GCLC: variants seen among roughly 807,000 people sequenced by gnomAD.
GCLC encodes glutamate--cysteine ligase catalytic subunit.
Under a neutral mutation model 81.5 loss-of-function variants are expected in GCLC, and 30 were observed. The ratio of observed to expected loss-of-function variants is 0.37; its 90% CI spans 0.28 to 0.50. The LOEUF (loss-of-function observed/expected upper bound fraction) is 0.50, where lower values mean the gene tolerates loss of function less well. Ranked by LOEUF, GCLC falls within the 20% of genes least tolerant of loss-of-function variation. The pLI is 0.96. For synonymous variants in GCLC, 262 were observed against 273.3 expected (o/e 0.96, Z 0.41); for missense variants, 556 against 777.4 (o/e 0.72, Z 3.39).
chr6:53,506,237 A>C lies in GCLC; in HGVS notation c.1198-342T>G. 1 of 345,762 alleles carries C rather than the reference A, an allele frequency of 2.9e-6. No homozygotes were observed. Among genetic ancestry groups the C allele is most frequent in the Non-Finnish European group, 5.6e-6 (1 of 179,826 alleles). 21.4% of individuals were successfully genotyped at this position (345,762 alleles called of 1,614,324 possible). On this transcript the variant is annotated intron_variant, in intron 10 of 15. Coordinates refer to ENST00000650454, the MANE Select transcript of GCLC (RefSeq NM_001498.4). The surrounding 1 kb of genome is among the most constrained non-coding windows in gnomAD (Gnocchi z 4.0). ...GAGCCAGCCTGCCTTTCCAGGTGAC[A>C]CTGGACACTTTCATCTGAGAACCCT...
At chr6:53,515,005 A>G (rs1374652380) in intron 4 of GCLC, among the ~76,000 whole-genome samples, 1 of 152,208 alleles carries the variant, frequency 6.6e-6, no homozygotes, top group Non-Finnish European at 1.5e-5. Context: ...AGTACTTGAA[A>G]TATGGCTTGT....
At chr6:53,514,592 T>C in intron 4 of GCLC, 95 bp from the exon 5 acceptor site, 1 of 882,494 alleles carries the variant, frequency 1.1e-6, no homozygotes, top group Non-Finnish European at 1.9e-6. Context: ...AATGAAATCA[T>C]ACCTCAAATT....
intron 12 of GCLC, among the ~76,000 whole-genome samples, chr6:53,504,053 G>C (rs1764564776): frequency 6.6e-6 from 1 of 152,200 alleles, no homozygotes; most frequent in Non-Finnish European, 1.5e-5. Context: ...TTCCAAAGCT[G>C]AGCATGGTGG....
chr6:53,529,924 G>A (rs912210967), intron 1 of GCLC, among the ~76,000 whole-genome samples: 4 of 152,232 alleles, frequency 2.6e-5, no homozygotes, highest in South Asian at 2.1e-4. Context: ...GCGGTGCCCC[G>A]CTCAGGGCCT....
chr6:53,500,266 T>C lies in GCLC; in HGVS notation c.1562A>G (p.Asp521Gly). ...AAEEYTLMSI[D>G]TIINGKEGVF... ...TCCTACCTTCCCATTGATGATGGTG[T>C]CTATGCTCATGAGGGTGTACTCCTC... is the stretch of plus-strand genomic sequence containing the variant. The change falls in exon 14 of 16, where the codon GAC becomes GGC. Residue 521 changes from aspartate to glycine, a missense_variant. This residue lies in a region of GCLC where 313 missense variants were observed against 437.3 expected (regional missense o/e 0.72). Coordinates refer to ENST00000650454, the MANE Select transcript of GCLC (RefSeq NM_001498.4). 1 of 1,614,038 alleles carries C rather than the reference T, an allele frequency of 6.2e-7. No homozygotes were observed. Among genetic ancestry groups the C allele is most frequent in the Non-Finnish European group, 8.5e-7 (1 of 1,179,914 alleles).
rs1239866561 is a variant in GCLC at position 53,540,828 on chromosome 6, TG to T, written c.150+3667del. On this transcript the variant is annotated intron_variant, in intron 1 of 15. Transcript: ENST00000650454. ...TCACATGATGATGCCGCTAGAGGAA[TG>T]GTTACAGGCATCAGCAAATACTTAG... Among the ~76,000 whole-genome samples, 13 of 152,222 alleles carry T rather than the reference TG, an allele frequency of 8.5e-5. No homozygotes were observed. The East Asian group carries it at 2.5e-3, about 29-fold the overall frequency.
intron 12 of GCLC, chr6:53,501,009 G>T: frequency 5.0e-6 from 1 of 202,002 alleles, no homozygotes; most frequent in East Asian, 1.3e-4. Context: ...TCTGTCTCCT[G>T]GGTTCAAGCA....
chr6:53,508,489 T>C lies in GCLC; in HGVS notation c.945+106A>G, dbSNP rs1581731578. The C allele has an allele frequency of 3.8e-6, 3 of 789,498 alleles. 1 individual carries two copies. The Admixed American group carries it at 5.1e-5, about 13-fold the overall frequency. The allele number at this position is 789,498 out of a possible 1,614,324, so 48.9% of individuals were successfully genotyped here. ...CACCTAGACCAAATCTTTTTCCCCA[T>C]TTCAGATAAAAATTGCAGGGAGACA... On this transcript the variant is annotated intron_variant, in intron 8 of 15. Transcript: ENST00000650454.
At chr6:53,503,780 T>C (rs1435989377) in intron 12 of GCLC, among the ~76,000 whole-genome samples, 2 of 152,256 alleles carry the variant, frequency 1.3e-5, no homozygotes, top group Non-Finnish European at 2.9e-5. Context: ...ACTATTCTCC[T>C]CTTCTAAATT....
At chr6:53,528,100 G>A (rs1484629023) in intron 1 of GCLC, among the ~76,000 whole-genome samples, 1 of 152,126 alleles carries the variant, frequency 6.6e-6, no homozygotes, top group Non-Finnish European at 1.5e-5. Context: ...CCCAAACTTG[G>A]AGCACCCAAA....
At chr6:53,508,461 C>G in intron 8 of GCLC, 134 bp downstream of exon 8, 4 of 746,256 alleles carry the variant, frequency 5.4e-6, no homozygotes, top group Non-Finnish European at 9.9e-6. Flanking sequence ...AAAATTAACT[C>G]CCCACCTAGA....
In GCLC at chr6:53,506,010, T is replaced by A; in HGVS notation, c.1198-115A>T. ...GCTCACTGTCCATACCAAATTTCAA[T>A]TGACAAAGACAAAAAGGTACAATTG... On this transcript the variant is annotated intron_variant, in intron 10 of 15. Coordinates refer to ENST00000650454, the MANE Select transcript of GCLC (RefSeq NM_001498.4). The surrounding 1 kb of genome is among the most constrained non-coding windows in gnomAD (Gnocchi z 4.0). The A allele has an allele frequency of 2.7e-6, 2 of 736,728 alleles. No homozygotes were observed. Among genetic ancestry groups the A allele is most frequent in the Admixed American group, 3.8e-5 (2 of 53,122 alleles). The allele number at this position is 736,728 out of a possible 1,614,324, so 45.6% of individuals were successfully genotyped here. A position where few individuals can be genotyped will look rare whatever the true frequency, so the allele number is the denominator to read the frequency against.
intron 1 of GCLC, 94 bp from the exon 2 acceptor site, chr6:53,522,621 T>C: frequency 9.2e-6 from 7 of 762,894 alleles, no homozygotes; most frequent in Non-Finnish European, 1.6e-5. Context: ...GTGAAGTCTG[T>C]AAAGGATCCA....
chr6:53,499,103 G>A (rs150203213), intron 15 of GCLC, 136 bp from the exon 16 acceptor site: 14 of 681,606 alleles, frequency 2.1e-5, no homozygotes, highest in Admixed American at 6.7e-5. Flanking sequence ...TGCATGGCAG[G>A]GGGTGGGAAC....
Position 53,520,767 on chromosome 6 carries a change from T to TCCC in GCLC, c.446+10_446+11insGGG, listed in dbSNP as rs1442365198. Reference sequence around the variant, plus strand: ...AGAGATCTGCTGGGGCATGTTAATATAGGAACTAACCTGGGAAATGAAGTT... The same window carrying TCCC: ...AGAGATCTGCTGGGGCATGTTAATATCCCAGGAACTAACCTGGGAAATGAAGTT... On this transcript the variant is annotated intron_variant, in intron 3 of 15. Transcript: ENST00000650454. The TCCC allele has an allele frequency of 1.9e-6, 3 of 1,609,950 alleles. No homozygotes were observed. Among genetic ancestry groups the TCCC allele is most frequent in the Non-Finnish European group, 2.6e-6 (3 of 1,176,268 alleles).
At position 53,544,477 on chromosome 6, in the gene GCLC, G is replaced by C. The variant is rs1763412937; in HGVS notation, c.150+19C>G. 1.2e-6 allele frequency: 2 copies of C among 1,604,384 alleles called. No homozygotes were observed. The highest frequency in any genetic ancestry group is 1.7e-6 in the Non-Finnish European group (2 of 1,179,150). On this transcript the variant is annotated intron_variant, in intron 1 of 15. Transcript: ENST00000650454. ...CCAGACACGGGTGCCCGGCGGGGAC[G>C]GGGACCGCGGGCGCTCACCTCATCG...
In GCLC at chr6:53,514,429, G is replaced by A. The variant is rs1229895740; in HGVS notation, c.619+10C>T. 1 of 1,608,636 alleles carries A rather than the reference G, an allele frequency of 6.2e-7. No homozygotes were observed. The highest frequency in any genetic ancestry group is 1.3e-5 in the African/African-American group (1 of 74,792). On this transcript the variant is annotated intron_variant, in intron 5 of 15. Coordinates refer to ENST00000650454, the MANE Select transcript of GCLC (RefSeq NM_001498.4). ...CTCTCTCCCACCCCACCACCTCTCA[G>A]TAGACTTACTTGGTACATTGATGAC...
chr6:53,533,928 G>A (rs139343871), intron 1 of GCLC, among the ~76,000 whole-genome samples: 64 of 152,058 alleles, frequency 4.2e-4, no homozygotes, highest in African/African-American at 1.5e-3. Flanking sequence ...CCTGGTAGCT[G>A]GGATTACAGG....
chr6:53,504,577 G>A (rs1764577225), intron 12 of GCLC, among the ~76,000 whole-genome samples: 1 of 152,202 alleles, frequency 6.6e-6, no homozygotes, highest in Non-Finnish European at 1.5e-5. Context: ...AGAGTTCTGT[G>A]GGTGACCTTT....
Sources: gnomAD v4.1 joint callset for allele counts (sites outside exome capture counted in the v4.1 genomes callset) on GRCh38, gnomAD v4.1.1 for gene constraint, gnomAD v4.1.1 regional missense constraint, Gnocchi (gnomAD v3.1) non-coding constraint, MANE v1.5 for transcripts, NCBI Gene and HGNC (gene_info 2026-07-23, HGNC 2026-07-21) for gene names.